Variants in STAM2 observed in about 807,000 individuals in gnomAD.
The protein encoded by STAM2 is signal transducing adaptor molecule 2, also known as signal transducing adapter molecule 2.
STAM2 carries 51 observed loss-of-function variants against 65.6 expected under a neutral mutation model. That is an observed-to-expected ratio of 0.78 (90% CI 0.62 to 0.98). The LOEUF is 0.98. STAM2 is among the 50% of genes least tolerant of loss of function. The probability of loss-of-function intolerance (pLI) is 0.00; values close to 1 mark genes in which losing one functional copy is unlikely to be tolerated. For missense variants in STAM2, 584 were observed against 617.8 expected (o/e 0.95, Z 0.58); for synonymous variants, 198 against 208.4 (o/e 0.95, Z 0.43).
intron 13 of STAM2, among the ~76,000 whole-genome samples, chr2:152,123,153 C>T (rs1444346476): frequency 1.3e-5 from 2 of 151,298 alleles, no homozygotes; most frequent in Non-Finnish European, 2.9e-5. Context: ...TGGAACATCA[C>T]GAGGTCAGGA....
At position 152,117,756 on chromosome 2, in the gene STAM2, CTA is replaced by C. The variant is rs1212276607; in HGVS notation, c.*2816_*2817del. On this transcript the variant is annotated 3_prime_UTR_variant, in exon 14 of 14. Transcript: ENST00000263904. ...AACCTTTTTAAAAAAAATCCCTAAG[CTA>C]TATGTTTTTAAAACATTTAAAATTG... 1.3e-5 allele frequency: 2 copies of C among 151,984 alleles called. No homozygotes were observed. The highest frequency in any genetic ancestry group is 2.9e-5 in the Non-Finnish European group (2 of 67,982). 9.4% of individuals were successfully genotyped at this position (151,984 alleles called of 1,614,324 possible).
chr2:152,120,528 G>T lies in STAM2; in HGVS notation c.*46C>A. 6.5e-7 allele frequency: 1 copy of T among 1,549,056 alleles called. No individual in the cohort carries two copies. The highest frequency in any genetic ancestry group is 1.1e-5 in the South Asian group (1 of 88,422). On this transcript the variant is annotated 3_prime_UTR_variant, in exon 14 of 14. Transcript: ENST00000263904. ...TTTTCAGGTTGGTATCACAAGGACTGAATAATACACTTATGAAGGCTTTCA... is the reference window on the plus strand; with the variant it reads ...TTTTCAGGTTGGTATCACAAGGACTTAATAATACACTTATGAAGGCTTTCA...
intron 6 of STAM2, 153 bp downstream of exon 6, chr2:152,144,735 C>T: frequency 1.8e-6 from 1 of 560,450 alleles, no homozygotes; most frequent in Non-Finnish European, 3.2e-6. Context: ...GATGGGGTTT[C>T]ACCTTGTTGG....
chr2:152,138,897 A>G (rs1049025523), intron 7 of STAM2, among the ~76,000 whole-genome samples: 1 of 152,234 alleles, frequency 6.6e-6, no homozygotes, highest in Non-Finnish European at 1.5e-5. Flanking sequence ...CAAGCGTTTT[A>G]TATGAACCTA....
chr2:152,132,739 T>A (rs1689086965), intron 10 of STAM2, among the ~76,000 whole-genome samples: 2 of 152,032 alleles, frequency 1.3e-5, no homozygotes, highest in Non-Finnish European at 2.9e-5. Flanking sequence ...TTAATTGTTC[T>A]CACATTTCTT....
At chr2:152,156,053 G>A (rs1689537456) in intron 1 of STAM2, among the ~76,000 whole-genome samples, 1 of 152,120 alleles carries the variant, frequency 6.6e-6, no homozygotes, top group Non-Finnish European at 1.5e-5. Context: ...AACCTACCTA[G>A]TCCAGCTAGA....
chr2:152,147,893 A>ATTTTATTT, intron 4 of STAM2, 131 bp downstream of exon 4: 2 of 716,068 alleles, frequency 2.8e-6, no homozygotes, highest in South Asian at 4.2e-5. Flanking sequence ...AAATTTCAGA[A>ATTTTATTT]CAGTTTATTT....
In STAM2 at chr2:152,175,656, G is replaced by A. The variant is rs199854585; in HGVS notation, c.-14C>T. ...GAACAAAGGCATCTCGCCGGCGCCC[G>A]AGCCCTAGTCGCTGCTGTCTAGCTG... On this transcript the variant is annotated 5_prime_UTR_variant, in exon 1 of 14. Coordinates refer to ENST00000263904, the MANE Select transcript of STAM2 (RefSeq NM_005843.6). 9.0e-5 allele frequency: 145 copies of A among 1,609,956 alleles called. No individual in the cohort carries two copies. The South Asian group carries it at 1.0e-3, about 11-fold the overall frequency.
intron 2 of STAM2, among the ~76,000 whole-genome samples, chr2:152,149,362 T>C (rs2105550239): frequency 6.6e-6 from 1 of 152,326 alleles, no homozygotes; most frequent in Admixed American, 6.5e-5. Context: ...TCAGGCTTTT[T>C]TAACTTTTAT....
At position 152,170,560 on chromosome 2, in the gene STAM2, T is replaced by C. The variant is rs77823281; in HGVS notation, c.40+5043A>G. On this transcript the variant is annotated intron_variant, in intron 1 of 13. Coordinates refer to ENST00000263904, the MANE Select transcript of STAM2 (RefSeq NM_005843.6). ...AAAACTTTCAATACAGAGCTGTCTGTAGGTGCAAGAAATTGAAAACAAAGT... is the reference window on the plus strand; with the variant it reads ...AAAACTTTCAATACAGAGCTGTCTGCAGGTGCAAGAAATTGAAAACAAAGT... Among the ~76,000 whole-genome samples the C allele has an allele frequency of 7.2e-5, 11 of 151,894 alleles. No individual in the cohort carries two copies. In the East Asian group the frequency reaches 1.8e-3, roughly 24 times the overall value.
At chr2:152,156,211 C>A (rs1019285342) in intron 1 of STAM2, among the ~76,000 whole-genome samples, 9 of 152,058 alleles carry the variant, frequency 5.9e-5, no homozygotes, top group Non-Finnish European at 1.2e-4. Context: ...ATGGGAAATT[C>A]CTGATTTGAA....
intron 1 of STAM2, among the ~76,000 whole-genome samples, chr2:152,174,229 C>T (rs938464791): frequency 1.6e-4 from 25 of 152,252 alleles, no homozygotes; most frequent in African/African-American, 5.8e-4. Context: ...AATCATTTGT[C>T]TAATTCTATT....
rs1688810131 is a variant in STAM2 at position 152,119,503 on chromosome 2, A to T, written c.*1071T>A. 1 of 152,158 alleles carries T rather than the reference A, an allele frequency of 6.6e-6. No homozygotes were observed. Among genetic ancestry groups the T allele is most frequent in the Non-Finnish European group, 1.5e-5 (1 of 68,014 alleles). The allele number at this position is 152,158 out of a possible 1,614,324, so 9.4% of individuals were successfully genotyped here. A position where few individuals can be genotyped will look rare whatever the true frequency, so the allele number is the denominator to read the frequency against. On this transcript the variant is annotated 3_prime_UTR_variant, in exon 14 of 14. Transcript: ENST00000263904. The stretch of plus-strand genomic sequence containing the variant: ...AACGGTACTTGAATCACCTCTTTAA[A>T]AAAACAACACACCACTAAAAACACA...
chr2:152,175,529 G>A (rs1237420189), intron 1 of STAM2, 74 bp downstream of exon 1: 5 of 1,583,606 alleles, frequency 3.2e-6, no homozygotes, highest in Admixed American at 1.7e-5. Flanking sequence ...AGTCGCTACC[G>A]CCCACTTTCT....
At chr2:152,170,442 C>T (rs1238121059) in intron 1 of STAM2, among the ~76,000 whole-genome samples, 1 of 149,136 alleles carries the variant, frequency 6.7e-6, no homozygotes, top group Admixed American at 6.7e-5. Flanking sequence ...GAGATCGCGC[C>T]ACTGCACTCC....
At chr2:152,175,178 C>T (rs1689990340) in intron 1 of STAM2, among the ~76,000 whole-genome samples, 1 of 152,212 alleles carries the variant, frequency 6.6e-6, no homozygotes, top group Non-Finnish European at 1.5e-5. Flanking sequence ...TGTCAAGTGT[C>T]TAGTGTTGGG....
At chr2:152,163,890 T>C (rs1689730192) in intron 1 of STAM2, among the ~76,000 whole-genome samples, 1 of 152,152 alleles carries the variant, frequency 6.6e-6, no homozygotes, top group Non-Finnish European at 1.5e-5. Flanking sequence ...GTCAGACTGG[T>C]TCTCTGCTCT....
chr2:152,146,316 TTAAAA>T (rs2105547531), intron 5 of STAM2, among the ~76,000 whole-genome samples: 1 of 151,818 alleles, frequency 6.6e-6, no homozygotes, highest in African/African-American at 2.4e-5. Context: ...AATCTATGAT[TTAAAA>T]TAAAAGAAAA....
chr2:152,158,360 C>T lies in STAM2; in HGVS notation c.41-8131G>A, dbSNP rs1689591466. On this transcript the variant is annotated intron_variant, in intron 1 of 13. Transcript: ENST00000263904. ...GTGTGGTGGTGGGCGTCTATAGTCC[C>T]AGCTACTCAGGAGGCTGAGGCAGGA... Among the ~76,000 whole-genome samples, 2 of 152,036 alleles carry T rather than the reference C, an allele frequency of 1.3e-5. 1 individual carries two copies. The highest frequency in any genetic ancestry group is 4.2e-4 in the South Asian group (2 of 4,816).
Sources: gnomAD v4.1 joint callset for allele counts (sites outside exome capture counted in the v4.1 genomes callset) on GRCh38, gnomAD v4.1.1 for gene constraint, MANE v1.5 for transcripts, NCBI Gene and HGNC (gene_info 2026-07-23, HGNC 2026-07-21) for gene names.